POLD3: variants seen among roughly 807,000 people sequenced by gnomAD.
POLD3 encodes DNA polymerase delta subunit 3.
In POLD3, 19 loss-of-function variants were observed where a neutral mutation model predicts 58.2. The observed-to-expected ratio is 0.33, with a 90% CI of 0.23 to 0.48. The LOEUF (loss-of-function observed/expected upper bound fraction) is 0.48, where lower values mean the gene tolerates loss of function less well. POLD3 is among the 20% of genes least tolerant of loss of function. The probability of loss-of-function intolerance (pLI) is 0.99; values close to 1 mark genes in which losing one functional copy is unlikely to be tolerated. For synonymous variants in POLD3, 172 were observed against 193.5 expected (o/e 0.89, Z 0.92); for missense variants, 504 against 545.5 (o/e 0.92, Z 0.76).
chr11:74,616,347 TG>T (rs1454465602), intron 5 of POLD3, among the ~76,000 whole-genome samples: 3 of 152,210 alleles, frequency 2.0e-5, no homozygotes, highest in African/African-American at 7.2e-5. Context: ...TATGATTTCG[TG>T]TGTTTTAAGA....
intron 4 of POLD3, among the ~76,000 whole-genome samples, chr11:74,660,466 T>C (rs533471517): frequency 6.6e-6 from 1 of 152,336 alleles, no homozygotes; most frequent in African/African-American, 2.4e-5. Flanking sequence ...GCCTGTTGTC[T>C]AGATCTTGTA....
chr11:74,649,404 A>T (rs79938411), intron 4 of POLD3, among the ~76,000 whole-genome samples: 4 of 152,148 alleles, frequency 2.6e-5, no homozygotes, highest in Non-Finnish European at 5.9e-5. Flanking sequence ...AGAGTATCCT[A>T]TTGTCATCCA....
chr11:74,607,174 A>G (rs562522350), intron 3 of POLD3, among the ~76,000 whole-genome samples: 3 of 151,272 alleles, frequency 2.0e-5, no homozygotes, highest in Non-Finnish European at 4.4e-5. Flanking sequence ...TTTCCTTTTT[A>G]AGTTTTTAGT....
chr11:74,665,036 G>A (rs1565136850), intron 4 of POLD3, among the ~76,000 whole-genome samples: 3 of 151,660 alleles, frequency 2.0e-5, no homozygotes, highest in Non-Finnish European at 4.4e-5. Context: ...GGAGACAGAG[G>A]TTGCAGTGAG....
Position 74,612,915 on chromosome 11 carries a change from T to C in POLD3, c.297T>C (p.His99=), listed in dbSNP as rs2031961745. 1.9e-6 allele frequency: 3 copies of C among 1,613,570 alleles called. No homozygotes were observed. The highest frequency in any genetic ancestry group is 8.5e-7 in the Non-Finnish European group (1 of 1,179,634). ...KSKLAVTASI[H]VYSIQKAMLK... is the part of the protein sequence containing the mutation. ...AGCTAGCTGTGACTGCCAGCATCCA[T>C]GTGTACAGCATCCAGAAAGCCATGC... The change falls in exon 5 of 12, where the codon CAT becomes CAC. Residue 99 remains histidine, a synonymous_variant. Transcript: ENST00000263681.
chr11:74,655,525 T>C (rs746644948), intron 4 of POLD3, among the ~76,000 whole-genome samples: 10 of 152,190 alleles, frequency 6.6e-5, no homozygotes, highest in Non-Finnish European at 1.0e-4. Context: ...CTTGAAAAAC[T>C]TTATCAATCA....
Position 74,640,704 on chromosome 11 carries a change from A to C in POLD3, c.1339A>C (p.Thr447Pro), listed in dbSNP as rs746612999. 8.1e-6 allele frequency: 13 copies of C among 1,612,606 alleles called. No individual in the cohort carries two copies. The highest frequency in any genetic ancestry group is 1.1e-5 in the Non-Finnish European group (13 of 1,179,420). ...GGAACGAAAGGGCCCCAAGAAAGGG[A>C]CTGCTGCTCTGGGCAAAGCCAACAG... The part of the protein sequence containing the change: ...REERKGPKKG[T>P]AALGKANRQV... The change falls in exon 12 of 12, where the codon ACT (threonine) becomes CCT (proline). Residue 447 changes from threonine to proline, a missense_variant. Thr to Pro is a conservative substitution (Grantham distance 38). Around this residue, in one of 2 missense-constraint regions of POLD3, gnomAD observed 385 missense variants for 370.5 expected, o/e 1.04. Coordinates refer to ENST00000263681, the MANE Select transcript of POLD3 (RefSeq NM_006591.3).
rs201676741 is a variant in POLD3 at position 74,640,734 on chromosome 11, G to C, written c.1369G>C (p.Val457Leu). 7 of 1,606,568 alleles carry C rather than the reference G, an allele frequency of 4.4e-6. No homozygotes were observed. Among genetic ancestry groups the C allele is most frequent in the Non-Finnish European group, 5.9e-6 (7 of 1,177,284 alleles). Residue 457 changes from valine (V) to leucine (L), a missense_variant, in exon 12 of 12, where the codon GTG becomes CTG. Physicochemically the swap from Val to Leu is conservative, Grantham distance 32 (BLOSUM62 1). Coordinates refer to ENST00000263681, the MANE Select transcript of POLD3 (RefSeq NM_006591.3). ...TGCTCTGGGCAAAGCCAACAGACAGGTGTCCATTACTGGCTTCTTCCAGAG... is the reference window on the plus strand; with the variant it reads ...TGCTCTGGGCAAAGCCAACAGACAGCTGTCCATTACTGGCTTCTTCCAGAG... ...TAALGKANRQ[V>L]SITGFFQRK
chr11:74,624,554 C>G (rs535356496), intron 7 of POLD3, among the ~76,000 whole-genome samples: 5 of 152,208 alleles, frequency 3.3e-5, no homozygotes, highest in Non-Finnish European at 7.3e-5. Flanking sequence ...TGAAGCACCT[C>G]CAGCTAATGA....
intron 2 of POLD3, among the ~76,000 whole-genome samples, chr11:74,596,479 C>T (rs912497744): frequency 2.0e-5 from 3 of 152,062 alleles, no homozygotes; most frequent in African/African-American, 7.2e-5. Flanking sequence ...AGCCATCGTG[C>T]CAAGCCAAGA....
chr11:74,603,831 A>T (rs978459960), intron 2 of POLD3, among the ~76,000 whole-genome samples: 1 of 152,186 alleles, frequency 6.6e-6, no homozygotes, highest in Non-Finnish European at 1.5e-5. Context: ...TATTATAGAC[A>T]GATTGTAAAT....
At chr11:74,647,048 G>T (rs1223028250), downstream of POLD3, among the ~76,000 whole-genome samples, 1 of 152,218 alleles carries the variant, frequency 6.6e-6, no homozygotes, top group African/African-American at 2.4e-5. Flanking sequence ...ACACAACCTA[G>T]ATCCTTGCAT....
At chr11:74,643,573 A>G (rs1317215119), downstream of POLD3, among the ~76,000 whole-genome samples, 1 of 152,208 alleles carries the variant, frequency 6.6e-6, no homozygotes, top group Admixed American at 6.5e-5. Flanking sequence ...TTGAATGATG[A>G]GCAGGATTTC....
intron 4 of POLD3, among the ~76,000 whole-genome samples, chr11:74,666,346 C>T (rs1385105968): frequency 6.6e-6 from 1 of 152,174 alleles, no homozygotes. Context: ...GAAGGCCAGA[C>T]GCAGTGGCTC....
At chr11:74,665,279 G>C (rs914853763) in intron 4 of POLD3, among the ~76,000 whole-genome samples, 1 of 143,742 alleles carries the variant, frequency 7.0e-6, no homozygotes, top group Admixed American at 6.9e-5. Context: ...AGCCAAGATT[G>C]TGCCACTGCA....
At chr11:74,639,117 G>A (rs558350780) in intron 11 of POLD3, among the ~76,000 whole-genome samples, 2 of 152,292 alleles carry the variant, frequency 1.3e-5, no homozygotes, top group African/African-American at 4.8e-5. Context: ...CCCAGAGTGT[G>A]GTCCCCAGAC....
At chr11:74,638,472 C>A in intron 11 of POLD3, 1 of 355,130 alleles carries the variant, frequency 2.8e-6, no homozygotes, top group Non-Finnish European at 5.6e-6. Flanking sequence ...CAGAATATAG[C>A]TTATGAAGGA....
At chr11:74,633,963 A>G (rs886199298) in intron 9 of POLD3, among the ~76,000 whole-genome samples, 2 of 152,234 alleles carry the variant, frequency 1.3e-5, no homozygotes, top group African/African-American at 2.4e-5. Flanking sequence ...TCAGTCTAAG[A>G]AACATCTCAG....
At chr11:74,606,609 A>G (rs2031686180) in intron 3 of POLD3, among the ~76,000 whole-genome samples, 1 of 152,154 alleles carries the variant, frequency 6.6e-6, no homozygotes, top group East Asian at 1.9e-4. Flanking sequence ...ACGTTTTGAG[A>G]TAATGTAGAT....
Sources: allele counts gnomAD v4.1 joint callset (sites outside exome capture counted in the v4.1 genomes callset), GRCh38; gene constraint gnomAD v4.1.1; regional missense constraint gnomAD v4.1.1; transcripts MANE v1.5; gene names NCBI Gene and HGNC (gene_info 2026-07-23, HGNC 2026-07-21).